Variants in GUCY1A2 observed in about 807,000 individuals in gnomAD.
The protein encoded by GUCY1A2 is guanylate cyclase 1 soluble subunit alpha 2.
A neutral mutation model predicts 63.5 loss-of-function variants in GUCY1A2; 27 were observed. The observed-to-expected ratio is 0.43, with a 90% CI of 0.31 to 0.59. The LOEUF is 0.59. GUCY1A2 is among the 20% of genes least tolerant of loss of function. GUCY1A2 has a pLI of 0.11. For synonymous variants in GUCY1A2, 364 were observed against 343.5 expected (o/e 1.06, Z -0.66); for missense variants, 768 against 913.3 (o/e 0.84, Z 2.05).
In GUCY1A2 at chr11:106,781,659, G is replaced by A. The variant is rs150831746; in HGVS notation, c.1693-5077C>T. ...GCTCTCTGCAACCCCTCCATCCCGG[G>A]TTCAAGCAATCCTCCCACCTCAGCC... is the stretch of plus-strand genomic sequence containing the variant. On this transcript the variant is annotated intron_variant, in intron 5 of 7. Coordinates refer to ENST00000526355, the MANE Select transcript of GUCY1A2 (RefSeq NM_000855.3). Among the ~76,000 whole-genome samples, 19 of 151,776 alleles carry A rather than the reference G, an allele frequency of 1.3e-4. No individual in the cohort carries two copies. The East Asian group carries it at 3.7e-3, about 29-fold the overall frequency.
chr11:106,940,156 T>C lies in GUCY1A2; in HGVS notation c.510A>G (p.Gln170=). Residue 170 remains glutamine, a synonymous_variant, in exon 4 of 8, where the codon CAA becomes CAG. Coordinates refer to ENST00000526355, the MANE Select transcript of GUCY1A2 (RefSeq NM_000855.3). ...TAAAGAACTCTTCACCAAATCTTTT[T>C]TGAATTTCCTCAAACTTCAAACCTA... ...NILGLKFEEI[Q]KRFGEEFFNI... 4.4e-6 allele frequency: 7 copies of C among 1,582,432 alleles called. No individual in the cohort carries two copies. Among genetic ancestry groups the C allele is most frequent in the South Asian group, 2.2e-5 (2 of 88,954 alleles).
At chr11:106,962,433 T>C (rs373280627) in intron 3 of GUCY1A2, among the ~76,000 whole-genome samples, 22 of 151,278 alleles carry the variant, frequency 1.5e-4, no homozygotes, top group African/African-American at 5.3e-4. Flanking sequence ...CATGTGCCTG[T>C]AGTCCCACCT....
chr11:106,828,052 A>G (rs958573191), intron 4 of GUCY1A2, among the ~76,000 whole-genome samples: 1 of 150,700 alleles, frequency 6.6e-6, no homozygotes, highest in Admixed American at 6.6e-5. Flanking sequence ...GTAGCTCTTT[A>G]TTTTTTTTTC....
intron 4 of GUCY1A2, among the ~76,000 whole-genome samples, chr11:106,935,034 C>G (rs1860657207): frequency 6.6e-6 from 1 of 152,016 alleles, no homozygotes; most frequent in Non-Finnish European, 1.5e-5. Context: ...TGACAGAGAC[C>G]AGAGATTTTA....
chr11:106,711,176 A>G (rs1355166605), intron 6 of GUCY1A2, among the ~76,000 whole-genome samples: 1 of 152,194 alleles, frequency 6.6e-6, no homozygotes, highest in East Asian at 1.9e-4. Context: ...AAACAAATAG[A>G]CAAATGGAGC....
intron 4 of GUCY1A2, chr11:106,936,723 T>C: frequency 2.6e-6 from 4 of 1,521,170 alleles, no homozygotes; most frequent in Non-Finnish European, 3.5e-6. Flanking sequence ...CTTGATTTTT[T>C]TTTTTTATGG....
intron 5 of GUCY1A2, among the ~76,000 whole-genome samples, chr11:106,790,276 C>A (rs778855140): frequency 6.6e-6 from 1 of 152,170 alleles, no homozygotes; most frequent in Non-Finnish European, 1.5e-5. Context: ...CCACCACCAC[C>A]ATAGGCCCAC....
intron 6 of GUCY1A2, among the ~76,000 whole-genome samples, chr11:106,751,196 G>A (rs1276977721): frequency 6.6e-6 from 1 of 152,110 alleles, no homozygotes; most frequent in Non-Finnish European, 1.5e-5. Context: ...GTAAAGGGCA[G>A]AAATAGCTAA....
chr11:106,755,894 G>C (rs1454098616), intron 6 of GUCY1A2, among the ~76,000 whole-genome samples: 1 of 152,108 alleles, frequency 6.6e-6, no homozygotes, highest in Non-Finnish European at 1.5e-5. Flanking sequence ...TCAAGTCCTG[G>C]ATATCCTTGT....
intron 6 of GUCY1A2, among the ~76,000 whole-genome samples, chr11:106,729,471 C>A (rs375097467): frequency 5.7e-4 from 87 of 151,918 alleles, no homozygotes; most frequent in African/African-American, 1.9e-3. Context: ...GAAATATATT[C>A]AAAAAATCTT....
chr11:106,851,965 A>G (rs1231135026), intron 4 of GUCY1A2, among the ~76,000 whole-genome samples: 1 of 152,014 alleles, frequency 6.6e-6, no homozygotes, highest in Non-Finnish European at 1.5e-5. Context: ...AACATTATTA[A>G]TTCTTCCAAT....
At chr11:106,703,866 GATATAC>G (rs1372213498) in intron 7 of GUCY1A2, among the ~76,000 whole-genome samples, 1 of 151,538 alleles carries the variant, frequency 6.6e-6, no homozygotes, top group African/African-American at 2.4e-5. Flanking sequence ...TATGTATATA[GATATAC>G]ATATATGATT....
At chr11:106,933,479 A>G (rs1410351481) in intron 4 of GUCY1A2, among the ~76,000 whole-genome samples, 2 of 152,132 alleles carry the variant, frequency 1.3e-5, no homozygotes, top group Non-Finnish European at 2.9e-5. Flanking sequence ...AAAAGGGAAC[A>G]CTTATACGTT....
At chr11:106,695,225 A>G (rs1862696480) in intron 7 of GUCY1A2, among the ~76,000 whole-genome samples, 1 of 152,260 alleles carries the variant, frequency 6.6e-6, no homozygotes, top group South Asian at 2.1e-4. Flanking sequence ...TTGTTCCAAC[A>G]AAATGGAAGA....
chr11:106,700,540 G>A (rs1444481669), intron 7 of GUCY1A2, among the ~76,000 whole-genome samples: 1 of 152,082 alleles, frequency 6.6e-6, no homozygotes, highest in Non-Finnish European at 1.5e-5. Context: ...TATTAATGTT[G>A]CTGTTTGTAA....
At chr11:107,016,190 A>C (rs1048181730) in intron 1 of GUCY1A2, among the ~76,000 whole-genome samples, 8 of 152,226 alleles carry the variant, frequency 5.3e-5, no homozygotes, top group African/African-American at 1.9e-4. Flanking sequence ...GAGAGACTCA[A>C]CAGTAATCAA....
intron 6 of GUCY1A2, among the ~76,000 whole-genome samples, chr11:106,761,988 C>CATA (rs1160877342): frequency 6.6e-6 from 1 of 152,144 alleles, no homozygotes; most frequent in African/African-American, 2.4e-5. Flanking sequence ...ATCATAACCT[C>CATA]ATAATAGGTA....
At chr11:107,006,426 T>G (rs897448627) in intron 1 of GUCY1A2, among the ~76,000 whole-genome samples, 3 of 152,170 alleles carry the variant, frequency 2.0e-5, no homozygotes, top group African/African-American at 7.2e-5. Flanking sequence ...ATCTATTGAG[T>G]TGCAGGATCA....
chr11:106,957,652 T>C (rs1191449189), intron 3 of GUCY1A2, among the ~76,000 whole-genome samples: 1 of 152,078 alleles, frequency 6.6e-6, no homozygotes, highest in East Asian at 1.9e-4. Flanking sequence ...ATACCTTGGT[T>C]GCTGATGAAG....
Sources: allele counts gnomAD v4.1 joint callset (sites outside exome capture counted in the v4.1 genomes callset), GRCh38; gene constraint gnomAD v4.1.1; transcripts MANE v1.5; gene names NCBI Gene and HGNC (gene_info 2026-07-23, HGNC 2026-07-21).